Variants in AFF3 observed in about 807,000 individuals in gnomAD.
AFF3 encodes the protein ALF transcription elongation factor 3.
Under a neutral mutation model 129.7 loss-of-function variants are expected in AFF3, and 32 were observed. The observed-to-expected ratio is 0.25, with a 90% confidence interval of 0.19 to 0.33. AFF3 has a LOEUF of 0.33. AFF3 is among the 10% of genes least tolerant of loss of function. The pLI is 1.00. For synonymous variants in AFF3, 644 were observed against 635.4 expected (o/e 1.01, Z -0.20); for missense variants, 1,373 against 1,592.0 (o/e 0.86, Z 2.34).
chr2:99,973,979 G>C (rs1678636307), intron 7 of AFF3, among the ~76,000 whole-genome samples: 1 of 152,116 alleles, frequency 6.6e-6, no homozygotes, highest in Non-Finnish European at 1.5e-5. Flanking sequence ...TTCTGAAACT[G>C]CCTTTCTAAT....
chr2:99,807,389 A>G (rs1686436867), intron 8 of AFF3, among the ~76,000 whole-genome samples: 1 of 152,096 alleles, frequency 6.6e-6, no homozygotes, highest in Non-Finnish European at 1.5e-5. Context: ...ATTCCTACCA[A>G]CGCACCCAGT....
chr2:99,690,035 C>T (rs1575702691), intron 11 of AFF3, among the ~76,000 whole-genome samples: 1 of 147,798 alleles, frequency 6.8e-6, no homozygotes, highest in Admixed American at 6.7e-5. Flanking sequence ...TGCAGTGAGC[C>T]GAGATCACAC....
At chr2:99,729,199 C>T (rs531155014) in intron 10 of AFF3, among the ~76,000 whole-genome samples, 2 of 152,174 alleles carry the variant, frequency 1.3e-5, no homozygotes, top group East Asian at 3.9e-4. Context: ...GGTAAAATTC[C>T]CAAACAATTT....
chr2:99,938,967 G>A (rs1186657171), intron 7 of AFF3, among the ~76,000 whole-genome samples: 2 of 151,976 alleles, frequency 1.3e-5, no homozygotes, highest in African/African-American at 2.4e-5. Context: ...GTCATTACTC[G>A]CTCTTATATG....
intron 8 of AFF3, among the ~76,000 whole-genome samples, chr2:99,762,419 C>T (rs896993728): frequency 6.6e-6 from 1 of 152,120 alleles, no homozygotes; most frequent in Non-Finnish European, 1.5e-5. Flanking sequence ...GCCACCGTGC[C>T]CGGCCAATGC....
At chr2:99,920,180 A>G (rs927556747) in intron 7 of AFF3, among the ~76,000 whole-genome samples, 2 of 152,082 alleles carry the variant, frequency 1.3e-5, no homozygotes, top group Non-Finnish European at 1.5e-5. Context: ...GTCTTAGAAA[A>G]TGAAGGAGAG....
Position 99,816,391 on chromosome 2 carries a change from G to C in AFF3, c.921+21086C>G, listed in dbSNP as rs1350235476. Among the ~76,000 whole-genome samples the C allele has an allele frequency of 7.2e-5, 11 of 152,266 alleles. No individual in the cohort carries two copies. The East Asian group carries it at 1.7e-3, about 24-fold the overall frequency. On this transcript the variant is annotated intron_variant, in intron 8 of 24. Transcript: ENST00000672756. ...TCCCTTCAGACTGTTATTTCTTGCT[G>C]TTTTGTAAGTCTTGTAATTTTTTGT...
chr2:100,125,630 T>TAA (rs138774449), intron 2 of AFF3, among the ~76,000 whole-genome samples: 17,199 of 150,206 alleles, frequency 0.11, 1,171 homozygotes, highest in Non-Finnish European at 0.14. Flanking sequence ...TTATTTTGGT[T>TAA]AAAAAAAAAA....
At chr2:100,126,509 C>T (rs1692198524) in intron 2 of AFF3, among the ~76,000 whole-genome samples, 2 of 152,172 alleles carry the variant, frequency 1.3e-5, no homozygotes, top group Non-Finnish European at 1.5e-5. Flanking sequence ...TTAACTCTTC[C>T]AACCCACTAG....
intron 7 of AFF3, among the ~76,000 whole-genome samples, chr2:99,952,330 G>A (rs916352750): frequency 3.9e-5 from 6 of 152,126 alleles, no homozygotes; most frequent in African/African-American, 1.4e-4. Flanking sequence ...TAAGTTTCTT[G>A]AGGCCTCCCC....
At chr2:99,842,952 C>T (rs1220326757) in intron 7 of AFF3, among the ~76,000 whole-genome samples, 1 of 152,182 alleles carries the variant, frequency 6.6e-6, no homozygotes, top group Non-Finnish European at 1.5e-5. Context: ...AACTTGCATT[C>T]TAAAATACTA....
intron 4 of AFF3, among the ~76,000 whole-genome samples, chr2:100,059,135 C>G (rs6749403): frequency 6.6e-6 from 1 of 151,314 alleles, no homozygotes; most frequent in African/African-American, 2.4e-5. Context: ...TGCCTGTAAT[C>G]TCAGCTACTT....
intron 4 of AFF3, among the ~76,000 whole-genome samples, chr2:100,104,142 G>C (rs1207100927): frequency 6.6e-6 from 1 of 152,082 alleles, no homozygotes; most frequent in Admixed American, 6.5e-5. Context: ...CTCTGCCCCT[G>C]GCTACCTAGA....
At position 100,135,850 on chromosome 2, in the gene AFF3, G is replaced by A. The variant is rs915524556; in HGVS notation, c.-227-6544C>T. On this transcript the variant is annotated intron_variant, in intron 1 of 24. Transcript: ENST00000672756. Reference sequence around the variant, plus strand: ...GAAAGAAGATTACTTTGGAGAGCAGGGGAGAGACCATAGGATCTAGGACCA... The same window carrying A: ...GAAAGAAGATTACTTTGGAGAGCAGAGGAGAGACCATAGGATCTAGGACCA... Among the ~76,000 whole-genome samples, 3 of 152,182 alleles carry A rather than the reference G, an allele frequency of 2.0e-5. No homozygotes were observed. In the East Asian group the frequency reaches 5.8e-4, roughly 29 times the overall value.
chr2:99,570,475 T>C (rs1676372589), intron 18 of AFF3, among the ~76,000 whole-genome samples: 1 of 152,188 alleles, frequency 6.6e-6, no homozygotes, highest in South Asian at 2.1e-4. Flanking sequence ...TAGCTGGGAC[T>C]ACAGGTGTGT....
At chr2:99,623,772 T>G (rs1017359718) in intron 13 of AFF3, among the ~76,000 whole-genome samples, 1 of 152,174 alleles carries the variant, frequency 6.6e-6, no homozygotes, top group African/African-American at 2.4e-5. Context: ...TGACCTGGCA[T>G]GCACCCATGC....
At chr2:99,814,500 T>C (rs985512664) in intron 8 of AFF3, among the ~76,000 whole-genome samples, 2 of 152,136 alleles carry the variant, frequency 1.3e-5, no homozygotes, top group African/African-American at 4.8e-5. Flanking sequence ...ACTACCTTCA[T>C]CAAGGGAGCT....
At chr2:99,605,796 C>T (rs1680273738) in intron 13 of AFF3, among the ~76,000 whole-genome samples, 1 of 152,324 alleles carries the variant, frequency 6.6e-6, no homozygotes, top group Admixed American at 6.5e-5. Flanking sequence ...AATCATCCCT[C>T]CTCAGCCTCC....
chr2:100,014,038 G>A (rs1682776400), intron 4 of AFF3, among the ~76,000 whole-genome samples: 1 of 151,820 alleles, frequency 6.6e-6, no homozygotes, highest in Non-Finnish European at 1.5e-5. Flanking sequence ...TGATTCAGCA[G>A]ACCCAGCCAG....
Sources: gnomAD v4.1 joint callset for allele counts (sites outside exome capture counted in the v4.1 genomes callset) on GRCh38, gnomAD v4.1.1 for gene constraint, MANE v1.5 for transcripts, NCBI Gene and HGNC (gene_info 2026-07-23, HGNC 2026-07-21) for gene names.